Variants in EXOC6 observed in about 807,000 individuals in gnomAD.
EXOC6 encodes exocyst complex component 6.
In EXOC6, 60 loss-of-function variants were observed where a neutral mutation model predicts 112.5. The ratio of observed to expected loss-of-function variants is 0.53; its 90% confidence interval spans 0.43 to 0.66. The LOEUF (loss-of-function observed/expected upper bound fraction) is 0.66. EXOC6 is among the 30% of genes least tolerant of loss of function. The pLI, the probability that EXOC6 is intolerant of heterozygous loss-of-function variation, is 0.00. For synonymous variants in EXOC6, 295 were observed against 308.0 expected, an observed-to-expected ratio of 0.96 and a Z score of 0.44; for missense variants, 855 against 957.1, an observed-to-expected ratio of 0.89 and a Z score of 1.41.
chr10:92,916,768 A>T (rs1432801207), intron 7 of EXOC6, among the ~76,000 whole-genome samples: 1 of 152,012 alleles, frequency 6.6e-6, no homozygotes, highest in Non-Finnish European at 1.5e-5. Flanking sequence ...TCTCAAATAA[A>T]TTTTTTTGCT....
chr10:92,923,364 A>G lies in EXOC6; in HGVS notation c.888+3314A>G, dbSNP rs578193794. On this transcript the variant is annotated intron_variant, in intron 8 of 21. Transcript: ENST00000260762. ...AAGATAGTGACCATATTAGTTATCA[A>G]TTGCTGTATAACACACTGCCTTAAA... Among the ~76,000 whole-genome samples, 6 of 152,294 alleles carry G rather than the reference A, an allele frequency of 3.9e-5. No homozygotes were observed. The South Asian group carries it at 1.2e-3, about 32-fold the overall frequency.
intron 20 of EXOC6, among the ~76,000 whole-genome samples, chr10:93,039,251 T>C (rs1020963490): frequency 3.3e-5 from 5 of 152,222 alleles, no homozygotes; most frequent in East Asian, 1.9e-4. Context: ...ATTGCAGTGC[T>C]TAGTACTCAT....
At chr10:93,010,374 G>A (rs141283863) in intron 19 of EXOC6, among the ~76,000 whole-genome samples, 1 of 152,216 alleles carries the variant, frequency 6.6e-6, no homozygotes, top group East Asian at 1.9e-4. Flanking sequence ...ATAATCCCGG[G>A]CAAGTCACTT....
rs370387761 is a variant in EXOC6 at position 93,055,043 on chromosome 10, TG to T, written c.2170-1880del. On this transcript the variant is annotated intron_variant, in intron 20 of 21. Coordinates refer to ENST00000260762, the MANE Select transcript of EXOC6 (RefSeq NM_019053.6). ...CTATTTTAGAGGTGAAGTCTCATTA[TG>T]TTGCCCAGGGTGGACTCTTAACTCC... 6.7e-3 allele frequency among the ~76,000 whole-genome samples: 1,024 copies of T among 152,296 alleles called. 19 individuals are homozygous for T. The highest frequency in any genetic ancestry group is 0.023 in the African/African-American group (972 of 41,556).
At chr10:93,000,865 T>C (rs889404229) in intron 19 of EXOC6, among the ~76,000 whole-genome samples, 3 of 152,170 alleles carry the variant, frequency 2.0e-5, no homozygotes, top group Non-Finnish European at 4.4e-5. Flanking sequence ...AAAAAAACCA[T>C]CCACCCCTCA....
intron 1 of EXOC6, among the ~76,000 whole-genome samples, chr10:92,835,682 A>C (rs1369976744): frequency 1.3e-5 from 2 of 152,212 alleles, no homozygotes; most frequent in African/African-American, 4.8e-5. Context: ...AAACCTGAAT[A>C]AATTTCTCCC....
At chr10:92,958,314 G>GT (rs1475567246) in intron 17 of EXOC6, among the ~76,000 whole-genome samples, 21 of 152,274 alleles carry the variant, frequency 1.4e-4, no homozygotes, top group African/African-American at 4.6e-4. Flanking sequence ...TCTAACTTGT[G>GT]TGGTAGAGAA....
chr10:92,915,398 A>C (rs888349370), intron 6 of EXOC6, among the ~76,000 whole-genome samples: 1 of 151,458 alleles, frequency 6.6e-6, no homozygotes. Context: ...AAAACAAAAA[A>C]AACAAAAAAA....
intron 15 of EXOC6, among the ~76,000 whole-genome samples, chr10:92,954,100 G>A (rs1421907418): frequency 6.6e-6 from 1 of 152,006 alleles, no homozygotes; most frequent in Non-Finnish European, 1.5e-5. Flanking sequence ...GGGCAACATA[G>A]TGCAACCCTG....
chr10:92,997,642 T>G, intron 19 of EXOC6, 27 bp downstream of exon 19: 2 of 1,542,336 alleles, frequency 1.3e-6, no homozygotes, highest in African/African-American at 1.4e-5. Context: ...TTTATTCTTA[T>G]GTATTACTAG....
chr10:92,883,610 A>C (rs1009425744), intron 1 of EXOC6, among the ~76,000 whole-genome samples: 2 of 152,192 alleles, frequency 1.3e-5, no homozygotes, highest in Non-Finnish European at 2.9e-5. Flanking sequence ...TAAGATTTAT[A>C]TGCTAGAAAT....
intron 18 of EXOC6, among the ~76,000 whole-genome samples, chr10:92,977,443 A>G (rs987233973): frequency 6.6e-6 from 1 of 152,104 alleles, no homozygotes; most frequent in Admixed American, 6.5e-5. Context: ...TTACCCAGGG[A>G]TGATACTGTA....
At chr10:92,983,557 T>C (rs1018427617) in intron 18 of EXOC6, among the ~76,000 whole-genome samples, 4 of 151,148 alleles carry the variant, frequency 2.6e-5, no homozygotes, top group Non-Finnish European at 4.4e-5. Flanking sequence ...CTGTAGTGCA[T>C]TGGCGTGAGG....
At chr10:92,879,145 C>G (rs1848826034) in intron 1 of EXOC6, among the ~76,000 whole-genome samples, 1 of 152,136 alleles carries the variant, frequency 6.6e-6, no homozygotes, top group Non-Finnish European at 1.5e-5. Flanking sequence ...TGTTTTCCCC[C>G]TATAAAATGC....
chr10:92,911,929 C>G (rs61862279), intron 6 of EXOC6, among the ~76,000 whole-genome samples: 71 of 71,934 alleles, frequency 9.9e-4, no homozygotes, highest in Middle Eastern at 6.7e-3. Flanking sequence ...CTCTCTCTCT[C>G]TCTGTGTGCG....
At chr10:92,911,665 T>C (rs1850769046) in intron 6 of EXOC6, among the ~76,000 whole-genome samples, 1 of 152,138 alleles carries the variant, frequency 6.6e-6, no homozygotes, top group Non-Finnish European at 1.5e-5. Flanking sequence ...ATAAAAGTTA[T>C]CAAGCTCCCT....
intron 1 of EXOC6, among the ~76,000 whole-genome samples, chr10:92,842,526 G>A (rs1021862400): frequency 2.6e-5 from 4 of 151,556 alleles, no homozygotes; most frequent in Admixed American, 6.6e-5. Flanking sequence ...GAGAAAAATC[G>A]GACAAGGGAG....
chr10:92,937,765 A>G (rs967492208), intron 12 of EXOC6, among the ~76,000 whole-genome samples: 4 of 152,134 alleles, frequency 2.6e-5, no homozygotes, highest in African/African-American at 9.7e-5. Context: ...TTAGTGCAAA[A>G]GTAATTGTGA....
chr10:92,948,463 A>G (rs1853170214), intron 14 of EXOC6, 84 bp downstream of exon 14: 3 of 804,910 alleles, frequency 3.7e-6, no homozygotes. Flanking sequence ...TATTAAGCTG[A>G]GACTGTAAAT....
Sources: gnomAD v4.1 joint callset for allele counts (sites outside exome capture counted in the v4.1 genomes callset) on GRCh38, gnomAD v4.1.1 for gene constraint, MANE v1.5 for transcripts, NCBI Gene and HGNC (gene_info 2026-07-23, HGNC 2026-07-21) for gene names.